The following SERF1A variants were observed in gnomAD, a reference collection of about 807,000 sequenced individuals.
SERF1A encodes the protein small EDRK-rich factor 1.
chr5:70,912,012 TACAC>T (rs1203956669), downstream of SERF1A, among the ~76,000 whole-genome samples: 8,259 of 22,870 alleles, frequency 0.36, 3,010 homozygotes, highest in East Asian at 0.68. Flanking sequence ...TCTCAAAACA[TACAC>T]ACACACACAC....
At position 70,905,179 on chromosome 5, in the gene SERF1A, T is replaced by C. The variant is rs762197082; in HGVS notation, c.117-2555T>C. 2,096 of 210,152 alleles carry C rather than the reference T, an allele frequency of 1.0e-2. 228 individuals are homozygous for C. Among genetic ancestry groups the C allele is most frequent in the Admixed American group, 0.014 (159 of 11,472 alleles). 13.0% of individuals were successfully genotyped at this position (210,152 alleles called of 1,614,324 possible). A position where few individuals can be genotyped will look rare whatever the true frequency, so the allele number is the denominator to read the frequency against. ...GTCCTGACACCTTTTTTTTTTTTTT[T>C]CCCAGATATGGCGTCTTACTCTGTG... On this transcript the variant is annotated intron_variant, in intron 2 of 2. Transcript: ENST00000317633.
chr5:70,904,556 C>CTT (rs754215373), intron 2 of SERF1A, among the ~76,000 whole-genome samples: 6 of 41,686 alleles, frequency 1.4e-4, no homozygotes, highest in African/African-American at 3.7e-4. Flanking sequence ...TAGGTTATGC[C>CTT]TTTTTTTTTT....
At chr5:70,910,798 A>AT (rs1249752268), downstream of SERF1A, among the ~76,000 whole-genome samples, 13 of 20,924 alleles carry the variant, frequency 6.2e-4, 3 homozygotes, top group Non-Finnish European at 7.6e-4. Context: ...TATTATTATT[A>AT]TTTTTTTTTT....
downstream of SERF1A, among the ~76,000 whole-genome samples, chr5:70,912,082 CAAAAACACTTGG>C (rs1469520222): frequency 8.6e-5 from 4 of 46,682 alleles, no homozygotes; most frequent in Admixed American, 3.1e-4. Flanking sequence ...CTCTCTCTCT[CAAAAACACTTGG>C]TCTGTTATTT....
downstream of SERF1A, among the ~76,000 whole-genome samples, chr5:70,910,798 A>ATT (rs1249752268): frequency 6.7e-4 from 14 of 20,926 alleles, 3 homozygotes; most frequent in African/African-American, 1.8e-3. Flanking sequence ...TATTATTATT[A>ATT]TTTTTTTTTT....
In SERF1A at chr5:70,904,619, C is replaced by G. The variant is rs1749035472; in HGVS notation, c.116+2686C>G. 4.2e-5 allele frequency among the ~76,000 whole-genome samples: 2 copies of G among 47,684 alleles called. 1 individual carries two copies. The highest frequency in any genetic ancestry group is 0.013 in the Middle Eastern group (2 of 152). The allele number at this position is 47,684 out of a possible 152,430, so 31.3% of individuals were successfully genotyped here. The stretch of plus-strand genomic sequence containing the variant: ...CCATGCTGGAGTGCAGTGGCGTGAT[C>G]TCGGCTCACTGCAACCTCCACCTCC... On this transcript the variant is annotated intron_variant, in intron 2 of 2. Coordinates refer to ENST00000317633, the MANE Select transcript of SERF1A (RefSeq NM_022968.2).
At chr5:70,910,803 T>TATTTTTA (rs1749111117), downstream of SERF1A, among the ~76,000 whole-genome samples, 1 of 32,444 alleles carries the variant, frequency 3.1e-5, no homozygotes, top group South Asian at 1.8e-3. Context: ...TTATTATTTT[T>TATTTTTA]TTTTTTTTTT....
At chr5:70,912,057 A>ACTCTCTCTCTCTCTCT (rs1554081326), downstream of SERF1A, among the ~76,000 whole-genome samples, 6 of 18,598 alleles carry the variant, frequency 3.2e-4, no homozygotes, top group African/African-American at 1.2e-3. Context: ...ACACACACAC[A>ACTCTCTCTCTCTCTCT]CTCTCTCTCT....
Position 70,903,970 on chromosome 5 carries a change from C to CA in SERF1A, c.116+2050dup, listed in dbSNP as rs1249454074. Reference sequence around the variant, plus strand: ...TGGGTGACAGAGCGAGACTCCGTCTCAAAAAAAAAAAAAGCCAACTGTGGT... The same window carrying CA: ...TGGGTGACAGAGCGAGACTCCGTCTCAAAAAAAAAAAAAAGCCAACTGTGGT... On this transcript the variant is annotated intron_variant, in intron 2 of 2. Coordinates refer to ENST00000317633, the MANE Select transcript of SERF1A (RefSeq NM_022968.2). 1.5e-3 allele frequency among the ~76,000 whole-genome samples: 14 copies of CA among 9,446 alleles called. 2 individuals are homozygous for CA. The highest frequency in any genetic ancestry group is 2.4e-3 in the African/African-American group (5 of 2,084). 6.2% of individuals were successfully genotyped at this position (9,446 alleles called of 152,430 possible).
At position 70,904,665 on chromosome 5, in the gene SERF1A, G is replaced by C. The variant is rs1452764990; in HGVS notation, c.116+2732G>C. Reference sequence around the variant, plus strand: ...CCTCCTGGGCTTAAGCGATTCTCCTGCGTCAGCAATCCAAGTAGCTGGAAT... The same window carrying C: ...CCTCCTGGGCTTAAGCGATTCTCCTCCGTCAGCAATCCAAGTAGCTGGAAT... On this transcript the variant is annotated intron_variant, in intron 2 of 2. Transcript: ENST00000317633. 6.2e-5 allele frequency among the ~76,000 whole-genome samples: 3 copies of C among 48,508 alleles called. 1 individual carries two copies. The highest frequency in any genetic ancestry group is 1.3e-4 in the Non-Finnish European group (3 of 23,376). 31.8% of individuals were successfully genotyped at this position (48,508 alleles called of 152,430 possible).
At chr5:70,910,816 T>TTTTTTTTTA (rs1749112455), downstream of SERF1A, among the ~76,000 whole-genome samples, 2 of 29,412 alleles carry the variant, frequency 6.8e-5, no homozygotes, top group Non-Finnish European at 1.4e-4. Context: ...TTTTTTTTTT[T>TTTTTTTTTA]GAGACGGAGT....
intron 2 of SERF1A, among the ~76,000 whole-genome samples, chr5:70,914,035 C>A (rs1389003738): frequency 0.071 from 2 of 28 alleles, no homozygotes; most frequent in Non-Finnish European, 0.1. Flanking sequence ...GACTCCGTCT[C>A]AAAAAAAAAA....
intron 2 of SERF1A, among the ~76,000 whole-genome samples, chr5:70,913,400 A>AC (rs1554081369): frequency 0.013 from 1,758 of 139,492 alleles, 85 homozygotes; most frequent in African/African-American, 0.045. Flanking sequence ...AAAAAAAAAA[A>AC]CATACAAACC....
chr5:70,912,014 C>CAT, downstream of SERF1A, among the ~76,000 whole-genome samples: 2 of 7,934 alleles, frequency 2.5e-4, no homozygotes, highest in African/African-American at 3.7e-4. Flanking sequence ...TCAAAACATA[C>CAT]ACACACACAC....
chr5:70,913,393 A>AAC (rs1561496180), intron 2 of SERF1A, among the ~76,000 whole-genome samples: 5 of 143,834 alleles, frequency 3.5e-5, no homozygotes, highest in South Asian at 2.4e-4. Context: ...AAAAAAAAAA[A>AAC]AAAAAAACAT....
In SERF1A at chr5:70,905,200, C is replaced by A. The variant is rs1749057810; in HGVS notation, c.117-2534C>A. On this transcript the variant is annotated intron_variant, in intron 2 of 2. Coordinates refer to ENST00000317633, the MANE Select transcript of SERF1A (RefSeq NM_022968.2). ...TTTTTCCCAGATATGGCGTCTTACTCTGTGACCCAGACTGGAGTGCAGTGC... is the reference window on the plus strand; with the variant it reads ...TTTTTCCCAGATATGGCGTCTTACTATGTGACCCAGACTGGAGTGCAGTGC... The A allele has an allele frequency of 1.6e-5, 3 of 184,694 alleles. 1 individual carries two copies. Among genetic ancestry groups the A allele is most frequent in the Non-Finnish European group, 2.8e-5 (3 of 108,988 alleles). 11.4% of individuals were successfully genotyped at this position (184,694 alleles called of 1,614,324 possible). A position where few individuals can be genotyped will look rare whatever the true frequency, so the allele number is the denominator to read the frequency against.
chr5:70,913,251 C>A (rs1279209832), intron 2 of SERF1A, among the ~76,000 whole-genome samples: 3 of 110,666 alleles, frequency 2.7e-5, no homozygotes, highest in African/African-American at 9.1e-5. Context: ...TGGTGGTGGG[C>A]GCCTGTAATC....
At chr5:70,905,179 T>TC (rs749769854) in intron 2 of SERF1A, 106 of 210,134 alleles carry the variant, frequency 5.0e-4, no homozygotes, top group Non-Finnish European at 5.5e-4. Flanking sequence ...TTTTTTTTTT[T>TC]CCCAGATATG....
Position 70,916,690 on chromosome 5 carries a change from A to G in SERF1A, c.117-251A>G, listed in dbSNP as rs1310753811. ...CTCATTGTAGTCTTAATTTACTTCC[A>G]TATACTTAATTTAAATACACTCAAT... On this transcript the variant is annotated intron_variant, in intron 2 of 2. Coordinates refer to the SERF1A transcript ENST00000354833. Among the ~76,000 whole-genome samples the G allele has an allele frequency of 4.7e-5, 2 of 42,332 alleles. 1 individual carries two copies. The highest frequency in any genetic ancestry group is 8.3e-5 in the Non-Finnish European group (2 of 24,036). 27.8% of individuals were successfully genotyped at this position (42,332 alleles called of 152,430 possible).
Sources: gnomAD v4.1 joint callset for allele counts (sites outside exome capture counted in the v4.1 genomes callset) on GRCh38, gnomAD v4.1.1 for gene constraint, MANE v1.5 for transcripts, NCBI Gene and HGNC (gene_info 2026-07-23, HGNC 2026-07-21) for gene names.